NELL2: variants seen among roughly 807,000 people sequenced by gnomAD.
The protein encoded by NELL2 is protein kinase C-binding protein NELL2.
A neutral mutation model predicts 109.6 loss-of-function variants in NELL2; 41 were observed. That is an observed-to-expected ratio of 0.37 (90% CI 0.29 to 0.49). The LOEUF is 0.49. Among genes scored for constraint, NELL2 ranks in the 20% least tolerant of loss-of-function variants. The pLI is 0.98. For missense variants in NELL2, 900 were observed against 1,008.3 expected, an observed-to-expected ratio of 0.89 and a Z score of 1.45; for synonymous variants, 355 against 344.7, an observed-to-expected ratio of 1.03 and a Z score of -0.33.
At chr12:44,769,992 C>T (rs946335660) in intron 9 of NELL2, among the ~76,000 whole-genome samples, 5 of 152,028 alleles carry the variant, frequency 3.3e-5, no homozygotes, top group Non-Finnish European at 7.4e-5. Flanking sequence ...AGAGAGTGGT[C>T]TTGGGGAAAT....
intron 2 of NELL2, among the ~76,000 whole-genome samples, chr12:44,861,233 G>A (rs956588063): frequency 5.9e-5 from 9 of 152,098 alleles, no homozygotes; most frequent in African/African-American, 1.7e-4. Flanking sequence ...TTGAGGAAAC[G>A]AAATAAAAAT....
intron 13 of NELL2, among the ~76,000 whole-genome samples, chr12:44,653,011 C>G (rs1009262245): frequency 2.0e-5 from 3 of 152,166 alleles, no homozygotes; most frequent in African/African-American, 7.2e-5. Flanking sequence ...CTGGATAACC[C>G]AGGATAAGCT....
chr12:44,874,375 G>C (rs1347412576), intron 2 of NELL2, among the ~76,000 whole-genome samples: 2 of 152,100 alleles, frequency 1.3e-5, no homozygotes, highest in Admixed American at 1.3e-4. Flanking sequence ...TAGTCTGTCT[G>C]TACACGTTTA....
At chr12:44,801,457 A>G (rs768450006) in intron 3 of NELL2, among the ~76,000 whole-genome samples, 2 of 152,152 alleles carry the variant, frequency 1.3e-5, no homozygotes, top group Non-Finnish European at 2.9e-5. Flanking sequence ...TGAAGGAAGT[A>G]GAAAGCTCAT....
At chr12:44,552,748 C>T (rs1466708306) in intron 15 of NELL2, among the ~76,000 whole-genome samples, 1 of 152,070 alleles carries the variant, frequency 6.6e-6, no homozygotes, top group Non-Finnish European at 1.5e-5. Context: ...TTTGAGGAAA[C>T]TATCCCAAAG....
chr12:44,799,418 A>G (rs1407056931), intron 3 of NELL2, among the ~76,000 whole-genome samples: 3 of 152,046 alleles, frequency 2.0e-5, no homozygotes, highest in East Asian at 1.9e-4. Context: ...CCCTGCTGCA[A>G]CTCAAAGGAT....
At chr12:44,651,366 T>C (rs1592272229) in intron 13 of NELL2, among the ~76,000 whole-genome samples, 1 of 152,348 alleles carries the variant, frequency 6.6e-6, no homozygotes, top group East Asian at 1.9e-4. Flanking sequence ...ATGGATATTT[T>C]CCACTTTACT....
chr12:44,890,126 C>T (rs1485237832), intron 1 of NELL2, among the ~76,000 whole-genome samples: 4 of 152,086 alleles, frequency 2.6e-5, no homozygotes, highest in Non-Finnish European at 4.4e-5. Context: ...CCTAGAGTTC[C>T]GTCACTCTGC....
chr12:44,797,381 G>C (rs1436011849), intron 3 of NELL2, among the ~76,000 whole-genome samples: 1 of 152,070 alleles, frequency 6.6e-6, no homozygotes, highest in East Asian at 1.9e-4. Flanking sequence ...CTGCTTTAAT[G>C]ATCTGAAAAT....
intron 2 of NELL2, among the ~76,000 whole-genome samples, chr12:44,864,697 A>T (rs1012148293): frequency 6.6e-6 from 1 of 152,208 alleles, no homozygotes; most frequent in African/African-American, 2.4e-5. Context: ...TTTAATTTAA[A>T]CTACACTTTA....
intron 15 of NELL2, among the ~76,000 whole-genome samples, chr12:44,567,263 A>C (rs183472353): frequency 6.6e-6 from 1 of 152,340 alleles, no homozygotes; most frequent in Non-Finnish European, 1.5e-5. Context: ...TTCCTTTTAA[A>C]AATACATTTT....
At chr12:44,868,343 T>C (rs772521957) in intron 2 of NELL2, among the ~76,000 whole-genome samples, 1 of 152,150 alleles carries the variant, frequency 6.6e-6, no homozygotes, top group African/African-American at 2.4e-5. Flanking sequence ...TTAATATTGT[T>C]AAAATTTCCA....
chr12:44,861,044 C>T (rs1283449451), intron 2 of NELL2, among the ~76,000 whole-genome samples: 2 of 152,174 alleles, frequency 1.3e-5, no homozygotes, highest in Non-Finnish European at 2.9e-5. Context: ...ATTAGAACAA[C>T]TATCAACACA....
At chr12:44,731,899 T>C (rs904280562) in intron 9 of NELL2, among the ~76,000 whole-genome samples, 2 of 151,948 alleles carry the variant, frequency 1.3e-5, no homozygotes, top group Non-Finnish European at 2.9e-5. Flanking sequence ...GAAATCAACA[T>C]ACGAAAATTG....
intron 3 of NELL2, among the ~76,000 whole-genome samples, chr12:44,797,755 C>A (rs1942673919): frequency 6.7e-6 from 1 of 149,922 alleles, no homozygotes. Context: ...AAGTTAAGGT[C>A]TAATGACTTC....
chr12:44,779,583 A>G, intron 5 of NELL2, 80 bp downstream of exon 5: 1 of 1,121,934 alleles, frequency 8.9e-7, no homozygotes. Flanking sequence ...TTTGTTTCAC[A>G]CCATAAAAAG....
At chr12:44,583,472 T>G (rs1944391421) in intron 15 of NELL2, among the ~76,000 whole-genome samples, 1 of 152,200 alleles carries the variant, frequency 6.6e-6, no homozygotes, top group Non-Finnish European at 1.5e-5. Context: ...TCTTGGGGTT[T>G]AGATAGTAGT....
At chr12:44,904,086 T>C (rs1945693506) in intron 1 of NELL2, among the ~76,000 whole-genome samples, 1 of 151,962 alleles carries the variant, frequency 6.6e-6, no homozygotes, top group African/African-American at 2.4e-5. Flanking sequence ...ATCTTTAAAA[T>C]CTAGACAAAT....
chr12:44,694,694 CGA>C (rs1329087397), intron 12 of NELL2, among the ~76,000 whole-genome samples: 1 of 151,620 alleles, frequency 6.6e-6, no homozygotes, highest in Non-Finnish European at 1.5e-5. Flanking sequence ...AGTGTCTGCT[CGA>C]GTTCCCTAAT....
Sources: gnomAD v4.1 joint callset for allele counts (sites outside exome capture counted in the v4.1 genomes callset) on GRCh38, gnomAD v4.1.1 for gene constraint, MANE v1.5 for transcripts, NCBI Gene and HGNC (gene_info 2026-07-23, HGNC 2026-07-21) for gene names.